The following JAK2 variants were observed in gnomAD, a reference collection of about 807,000 sequenced individuals.
JAK2 encodes the protein Janus kinase 2.
JAK2 carries 86 observed loss-of-function variants against 139.3 expected under a neutral mutation model. The observed-to-expected ratio is 0.62, with a 90% CI of 0.52 to 0.74. The LOEUF (loss-of-function observed/expected upper bound fraction) is 0.74. Ranked by LOEUF, JAK2 falls within the 30% of genes least tolerant of loss-of-function variation. The probability of loss-of-function intolerance (pLI) is 0.00; values close to 1 mark genes in which losing one functional copy is unlikely to be tolerated. For synonymous variants in JAK2, 490 were observed against 437.7 expected, an observed-to-expected ratio of 1.12 and a Z score of -1.49; for missense variants, 1,421 against 1,360.3, an observed-to-expected ratio of 1.04 and a Z score of -0.70.
intron 2 of JAK2, among the ~76,000 whole-genome samples, chr9:4,997,865 A>C (rs1444101065): frequency 6.6e-6 from 1 of 152,112 alleles, no homozygotes; most frequent in Non-Finnish European, 1.5e-5. Context: ...GAATTGTTTC[A>C]TTTCCATGTT....
At chr9:5,029,045 C>A (rs773548263) in intron 3 of JAK2, among the ~76,000 whole-genome samples, 1 of 152,150 alleles carries the variant, frequency 6.6e-6, no homozygotes, top group African/African-American at 2.4e-5. Flanking sequence ...TGGCTTTTAG[C>A]CTCTCTTGGC....
At chr9:5,027,680 A>C (rs1403550232) in intron 3 of JAK2, among the ~76,000 whole-genome samples, 1 of 152,222 alleles carries the variant, frequency 6.6e-6, no homozygotes, top group East Asian at 1.9e-4. Context: ...AAACCCTGCC[A>C]CTGCTTTGAT....
intron 4 of JAK2, among the ~76,000 whole-genome samples, chr9:5,034,586 A>T (rs1465062277): frequency 6.6e-6 from 1 of 151,978 alleles, no homozygotes; most frequent in Non-Finnish European, 1.5e-5. Context: ...TAAGAAACTC[A>T]CTCAAAACCA....
At chr9:5,042,560 C>T (rs960741662) in intron 4 of JAK2, among the ~76,000 whole-genome samples, 1 of 152,062 alleles carries the variant, frequency 6.6e-6, no homozygotes, top group Non-Finnish European at 1.5e-5. Context: ...CATTACTTTG[C>T]TGAAGTGAGT....
intron 2 of JAK2, among the ~76,000 whole-genome samples, chr9:4,994,349 C>G (rs772014186): frequency 5.9e-5 from 9 of 152,140 alleles, no homozygotes; most frequent in African/African-American, 1.2e-4. Context: ...TGGTTCTTAT[C>G]AGAATTACCT....
intron 2 of JAK2, among the ~76,000 whole-genome samples, chr9:4,990,555 T>C (rs528070437): frequency 7.9e-5 from 12 of 151,986 alleles, no homozygotes; most frequent in Non-Finnish European, 1.6e-4. Flanking sequence ...AGAGTGGGAT[T>C]GCCCATAATT....
intron 22 of JAK2, among the ~76,000 whole-genome samples, chr9:5,092,799 T>C (rs1046297195): frequency 1.3e-5 from 2 of 152,200 alleles, no homozygotes; most frequent in Non-Finnish European, 2.9e-5. Context: ...TCAAGCCTGC[T>C]GATAGCTGGT....
At chr9:5,042,306 T>G (rs948450291) in intron 4 of JAK2, among the ~76,000 whole-genome samples, 17 of 149,156 alleles carry the variant, frequency 1.1e-4, no homozygotes, top group Non-Finnish European at 2.5e-4. Flanking sequence ...CCCGGCTAAT[T>G]TTTTGTATTT....
chr9:4,992,030 T>C (rs73639251), intron 2 of JAK2, among the ~76,000 whole-genome samples: 32,735 of 152,132 alleles, frequency 0.22, 3,888 homozygotes, highest in Middle Eastern at 0.35. Context: ...GGGTCAGTAA[T>C]TGAGACAGGG....
At chr9:5,109,410 A>G (rs1324803285) in intron 22 of JAK2, 2 of 152,156 alleles carry the variant, frequency 1.3e-5, no homozygotes, top group African/African-American at 4.8e-5. Context: ...GCCTAACAAT[A>G]TGGCTTTCTC....
At chr9:5,099,897 TAC>T in intron 22 of JAK2, 1 of 152,316 alleles carries the variant, frequency 6.6e-6, no homozygotes, top group South Asian at 2.1e-4. Context: ...GCGCAGTAAT[TAC>T]AGTCTTCTGC....
At chr9:5,025,935 A>T (rs1822756065) in intron 3 of JAK2, among the ~76,000 whole-genome samples, 3 of 152,184 alleles carry the variant, frequency 2.0e-5, no homozygotes, top group Admixed American at 1.3e-4. Context: ...TTATTGGCAT[A>T]ATGTTGTTCT....
intron 8 of JAK2, among the ~76,000 whole-genome samples, chr9:5,056,041 G>A (rs568285037): frequency 2.0e-5 from 3 of 151,902 alleles, no homozygotes; most frequent in Non-Finnish European, 4.4e-5. Context: ...CAAAGCACCA[G>A]TTACTTTCTC....
At chr9:5,111,542 G>A (rs943609809) in intron 22 of JAK2, 76 of 368,738 alleles carry the variant, frequency 2.1e-4, no homozygotes, top group African/African-American at 1.3e-3. Flanking sequence ...CGCCTGTCCC[G>A]CCCCCTTCTA....
At chr9:5,061,547 T>G (rs1052941882) in intron 8 of JAK2, among the ~76,000 whole-genome samples, 1 of 152,244 alleles carries the variant, frequency 6.6e-6, no homozygotes, top group Non-Finnish European at 1.5e-5. Context: ...TGCAGCTTCC[T>G]CACCTCTCTC....
chr9:5,018,840 C>G (rs1412610676), intron 2 of JAK2, among the ~76,000 whole-genome samples: 1 of 151,976 alleles, frequency 6.6e-6, no homozygotes, highest in Non-Finnish European at 1.5e-5. Context: ...TCGTTCCATT[C>G]TCTTCCTGGC....
chr9:5,010,550 A>G (rs1259510005), intron 2 of JAK2, among the ~76,000 whole-genome samples: 1 of 152,088 alleles, frequency 6.6e-6, no homozygotes, highest in Admixed American at 6.5e-5. Context: ...CGAACTCCTG[A>G]CCTCAGGTGA....
In JAK2 at chr9:5,129,621, C is replaced by A. The variant is rs1408670357; in HGVS notation, c.*2830C>A. ...AAAAGACTAGGTTTTATGAGATAAG[C>A]TTGATTTAAGAAAAAAACAATTAAA... is the stretch of plus-strand genomic sequence containing the variant. On this transcript the variant is annotated 3_prime_UTR_variant, in exon 25 of 25. Transcript: ENST00000381652. 6.6e-6 allele frequency among the ~76,000 whole-genome samples: 1 copy of A among 151,914 alleles called. No homozygotes were observed. The highest frequency in any genetic ancestry group is 1.5e-5 in the Non-Finnish European group (1 of 67,936).
At position 5,029,917 on chromosome 9, in the gene JAK2, C is replaced by A. The variant is rs201075771; in HGVS notation, c.350+11C>A. ...ACTCTACAGAATAAGGTACTTTCTT[C>A]AGTAAAGTAACTCACTTAATGCTAA... On this transcript the variant is annotated intron_variant, in intron 4 of 24. Transcript: ENST00000381652. 2 of 1,569,840 alleles carry A rather than the reference C, an allele frequency of 1.3e-6. No individual in the cohort carries two copies. The highest frequency in any genetic ancestry group is 1.4e-5 in the African/African-American group (1 of 72,698).
Sources: gnomAD v4.1 joint callset for allele counts (sites outside exome capture counted in the v4.1 genomes callset) on GRCh38, gnomAD v4.1.1 for gene constraint, MANE v1.5 for transcripts, NCBI Gene and HGNC (gene_info 2026-07-23, HGNC 2026-07-21) for gene names.